The following IGFL2 variants were observed in gnomAD, a reference collection of about 807,000 sequenced individuals.
IGFL2 encodes insulin growth factor-like family member 2.
IGFL2 carries 7 observed loss-of-function variants against 13.9 expected under a neutral mutation model. The ratio of observed to expected loss-of-function variants is 0.51; its 90% CI spans 0.29 to 0.95. IGFL2 has a LOEUF of 0.95. Among genes scored for constraint, IGFL2 ranks in the 40% least tolerant of loss-of-function variants. The pLI, the probability that IGFL2 is intolerant of heterozygous loss-of-function variation, is 0.08. For missense variants in IGFL2, 138 were observed against 147.8 expected (o/e 0.93, Z 0.34); for synonymous variants, 55 against 55.8 (o/e 0.99, Z 0.07).
the IGFL2 span, among the ~76,000 whole-genome samples, chr19:46,171,719 C>T: frequency 6.6e-5 from 10 of 152,146 alleles, no homozygotes; most frequent in Non-Finnish European, 8.8e-5. Context: ...TGCGAGTACA[C>T]TTACTTTATC....
chr19:46,154,892 G>T (rs764475966), intron 1 of IGFL2, among the ~76,000 whole-genome samples: 21 of 152,194 alleles, frequency 1.4e-4, no homozygotes, highest in Non-Finnish European at 2.5e-4. Flanking sequence ...GTTTTAGGGA[G>T]ACTTGTGGAG....
At chr19:46,093,484 G>A in the IGFL2 span, among the ~76,000 whole-genome samples, 1 of 152,082 alleles carries the variant, frequency 6.6e-6, no homozygotes, top group Non-Finnish European at 1.5e-5. Flanking sequence ...TCCTCCTAAG[G>A]TCGGGAACAA....
the IGFL2 span, among the ~76,000 whole-genome samples, chr19:46,122,158 T>G: frequency 2.6e-5 from 4 of 150,984 alleles, no homozygotes; most frequent in African/African-American, 9.8e-5. Flanking sequence ...AAATAAAAAG[T>G]GTACATCCAC....
chr19:46,142,655 C>T (rs1972909707), upstream of IGFL2, among the ~76,000 whole-genome samples: 1 of 152,164 alleles, frequency 6.6e-6, no homozygotes, highest in Non-Finnish European at 1.5e-5. Context: ...TGGTGGCTGA[C>T]AGATATTATT....
chr19:46,143,913 A>G (rs992412114), upstream of IGFL2, among the ~76,000 whole-genome samples: 1 of 152,192 alleles, frequency 6.6e-6, no homozygotes, highest in African/African-American at 2.4e-5. Flanking sequence ...TATTTGTTGA[A>G]TGCCCCATGC....
the IGFL2 span, chr19:46,207,198 A>G: frequency 1.3e-5 from 2 of 152,204 alleles, no homozygotes; most frequent in Non-Finnish European, 2.9e-5. Flanking sequence ...ATGTTCAGCA[A>G]CTGGGAAGTT....
At chr19:46,171,905 C>T in the IGFL2 span, among the ~76,000 whole-genome samples, 2 of 151,872 alleles carry the variant, frequency 1.3e-5, no homozygotes, top group East Asian at 3.9e-4. Flanking sequence ...AAAATTGGTG[C>T]AAATAATATA....
At chr19:46,167,425 C>A in the IGFL2 span, among the ~76,000 whole-genome samples, 1,099 of 152,260 alleles carry the variant, frequency 7.2e-3, 12 homozygotes, top group African/African-American at 0.025. Context: ...GGACCTTTGC[C>A]CGTATCTGAT....
At chr19:46,087,576 T>C in the IGFL2 span, among the ~76,000 whole-genome samples, 86 of 152,352 alleles carry the variant, frequency 5.6e-4, no homozygotes, top group East Asian at 0.015. Flanking sequence ...CAGCAGGAGC[T>C]GCACTGCGGC....
the IGFL2 span, among the ~76,000 whole-genome samples, chr19:46,211,350 C>A: frequency 1.3e-4 from 20 of 152,312 alleles, no homozygotes; most frequent in African/African-American, 4.6e-4. Flanking sequence ...CAGCCAGCAG[C>A]GGACAGGCCT....
At chr19:46,095,752 T>A in the IGFL2 span, among the ~76,000 whole-genome samples, 6 of 152,222 alleles carry the variant, frequency 3.9e-5, no homozygotes, top group Non-Finnish European at 5.9e-5. Context: ...TGCATATGGG[T>A]AGCCAGTTTT....
chr19:46,155,099 TCAGG>T (rs1568428876), intron 1 of IGFL2, among the ~76,000 whole-genome samples: 1 of 152,162 alleles, frequency 6.6e-6, no homozygotes, highest in Non-Finnish European at 1.5e-5. Context: ...ATGAGTGAAC[TCAGG>T]CAGGATCAGT....
chr19:46,120,819 T>C, the IGFL2 span, among the ~76,000 whole-genome samples: 1 of 150,888 alleles, frequency 6.6e-6, no homozygotes, highest in Non-Finnish European at 1.5e-5. Flanking sequence ...TCAAGTGTTC[T>C]TACCACAGAA....
intron 1 of IGFL2, among the ~76,000 whole-genome samples, chr19:46,158,850 C>T (rs1467424380): frequency 6.6e-6 from 1 of 152,054 alleles, no homozygotes; most frequent in African/African-American, 2.4e-5. Context: ...TAAGGGCTCC[C>T]CCACAAGTTG....
downstream of IGFL2, chr19:46,161,316 T>TCC: frequency 2.4e-6 from 1 of 412,842 alleles, no homozygotes. Flanking sequence ...GTCGTCTCCT[T>TCC]TCTTTTTTTT....
At chr19:46,158,359 C>T (rs948615533) in intron 1 of IGFL2, among the ~76,000 whole-genome samples, 1 of 152,076 alleles carries the variant, frequency 6.6e-6, no homozygotes, top group Non-Finnish European at 1.5e-5. Context: ...CAGGTGCGCA[C>T]TACCATGCCT....
chr19:46,094,136 ATT>A, the IGFL2 span, among the ~76,000 whole-genome samples: 1 of 151,680 alleles, frequency 6.6e-6, no homozygotes, highest in Non-Finnish European at 1.5e-5. Context: ...AGCTAAGACA[ATT>A]TTGTAAAAGA....
the IGFL2 span, among the ~76,000 whole-genome samples, chr19:46,192,229 G>A: frequency 6.6e-6 from 1 of 152,164 alleles, no homozygotes; most frequent in South Asian, 2.1e-4. Flanking sequence ...CTGTGACTGT[G>A]GGTGAGTTAT....
the IGFL2 span, among the ~76,000 whole-genome samples, chr19:46,090,250 T>G: frequency 5.9e-5 from 9 of 152,236 alleles, no homozygotes; most frequent in Non-Finnish European, 1.3e-4. Flanking sequence ...AGCCACTTAC[T>G]GTTTTCCTCA....
Sources: allele counts gnomAD v4.1 joint callset (sites outside exome capture counted in the v4.1 genomes callset), GRCh38; gene constraint gnomAD v4.1.1; transcripts MANE v1.5; gene names NCBI Gene and HGNC (gene_info 2026-07-23, HGNC 2026-07-21).